NBEA: variants seen among roughly 807,000 people sequenced by gnomAD.
NBEA encodes the protein neurobeachin.
In NBEA, 44 loss-of-function variants were observed where a neutral mutation model predicts 343.4. The ratio of observed to expected loss-of-function variants is 0.13; its 90% CI spans 0.10 to 0.16. The LOEUF is 0.16. Among genes scored for constraint, NBEA ranks in the 10% least tolerant of loss-of-function variants. The pLI is 1.00. For missense variants in NBEA, 2,555 were observed against 3,631.3 expected, an observed-to-expected ratio of 0.70 and a Z score of 7.62; for synonymous variants, 1,175 against 1,238.7, an observed-to-expected ratio of 0.95 and a Z score of 1.08.
intron 24 of NBEA, among the ~76,000 whole-genome samples, chr13:35,164,798 C>G (rs2069862938): frequency 6.6e-6 from 1 of 152,070 alleles, no homozygotes; most frequent in Non-Finnish European, 1.5e-5. Flanking sequence ...TATAAATAAA[C>G]TCTTAAAATC....
At chr13:35,181,422 A>T (rs998880139) in intron 28 of NBEA, among the ~76,000 whole-genome samples, 1 of 151,226 alleles carries the variant, frequency 6.6e-6, no homozygotes, top group Non-Finnish European at 1.5e-5. Flanking sequence ...ACTGATGTTG[A>T]GCATTTTTCA....
chr13:35,467,243 G>A (rs999063076), intron 40 of NBEA, among the ~76,000 whole-genome samples: 2 of 152,128 alleles, frequency 1.3e-5, no homozygotes, highest in Non-Finnish European at 2.9e-5. Context: ...GGAGGCCAAG[G>A]CGGGCGGATC....
chr13:35,578,070 A>G (rs145284676), intron 45 of NBEA, among the ~76,000 whole-genome samples: 74 of 152,330 alleles, frequency 4.9e-4, no homozygotes, highest in African/African-American at 1.7e-3. Flanking sequence ...AGATAACACG[A>G]TAACTTAGAT....
chr13:35,035,157 T>C (rs961218254), intron 1 of NBEA, among the ~76,000 whole-genome samples: 8 of 151,848 alleles, frequency 5.3e-5, no homozygotes, highest in African/African-American at 1.7e-4. Flanking sequence ...TTGGCACTTA[T>C]AAACATCCCT....
At chr13:35,483,774 A>C (rs1224795782) in intron 41 of NBEA, among the ~76,000 whole-genome samples, 1 of 152,092 alleles carries the variant, frequency 6.6e-6, no homozygotes, top group African/African-American at 2.4e-5. Flanking sequence ...GAAAGAAGTT[A>C]TTGCTTTCTT....
intron 2 of NBEA, among the ~76,000 whole-genome samples, chr13:35,044,535 G>A (rs893865636): frequency 4.0e-5 from 6 of 151,532 alleles, no homozygotes; most frequent in Admixed American, 2.0e-4. Flanking sequence ...TAACCAGTTT[G>A]CAATTTTAAA....
intron 34 of NBEA, among the ~76,000 whole-genome samples, chr13:35,235,424 A>C (rs1390082767): frequency 6.6e-6 from 1 of 151,976 alleles, no homozygotes; most frequent in East Asian, 1.9e-4. Flanking sequence ...GATAGGTTTT[A>C]CAGAAATGTA....
At chr13:35,472,634 A>C (rs2075704504) in intron 41 of NBEA, 98 bp downstream of exon 41, 4 of 1,175,194 alleles carry the variant, frequency 3.4e-6, no homozygotes, top group Non-Finnish European at 5.0e-6. Flanking sequence ...GGAGGGGAGC[A>C]CATTCTCCTC....
chr13:34,950,906 A>G (rs1457587104), intron 1 of NBEA, among the ~76,000 whole-genome samples: 1 of 152,086 alleles, frequency 6.6e-6, no homozygotes, highest in Non-Finnish European at 1.5e-5. Context: ...CTAAGCAACA[A>G]CCCTGGAGGT....
intron 43 of NBEA, among the ~76,000 whole-genome samples, chr13:35,552,213 C>A (rs2079361036): frequency 6.6e-6 from 1 of 152,178 alleles, no homozygotes; most frequent in African/African-American, 2.4e-5. Flanking sequence ...CTACAGACAA[C>A]TGAAAGACAG....
chr13:35,609,951 A>C (rs568855089), intron 48 of NBEA, among the ~76,000 whole-genome samples: 1 of 152,318 alleles, frequency 6.6e-6, no homozygotes, highest in East Asian at 1.9e-4. Flanking sequence ...GTCCTCAGTG[A>C]TATCTCTTCT....
intron 54 of NBEA, 55 bp downstream of exon 54, chr13:35,655,065 A>G: frequency 7.6e-7 from 1 of 1,313,480 alleles, no homozygotes; most frequent in Non-Finnish European, 1.0e-6. Flanking sequence ...TGTTAAAACC[A>G]AAGCTGAATA....
At chr13:35,399,947 G>A (rs1446209519) in intron 38 of NBEA, among the ~76,000 whole-genome samples, 1 of 152,020 alleles carries the variant, frequency 6.6e-6, no homozygotes, top group Non-Finnish European at 1.5e-5. Context: ...TGGTGTAGCA[G>A]TCAGAAAGCA....
chr13:35,162,719 G>A (rs2069665493), intron 23 of NBEA, among the ~76,000 whole-genome samples: 1 of 151,784 alleles, frequency 6.6e-6, no homozygotes. Context: ...AAAAGAAAAT[G>A]GGATTATAAT....
In NBEA at chr13:35,065,244, C is replaced by T. The variant is rs575303707; in HGVS notation, c.1240-4664C>T. On this transcript the variant is annotated intron_variant, in intron 8 of 58. Coordinates refer to ENST00000379939, the MANE Select transcript of NBEA (RefSeq NM_001385012.1). ...GCCATTTTGCCTGGCTATAAAATCCCTGACTTTTCTTTCTTTGGATGTCTT... is the reference window on the plus strand; with the variant it reads ...GCCATTTTGCCTGGCTATAAAATCCTTGACTTTTCTTTCTTTGGATGTCTT... Among the ~76,000 whole-genome samples the T allele has an allele frequency of 7.1e-4, 108 of 152,038 alleles. No homozygotes were observed. In the Middle Eastern group the frequency reaches 0.017, roughly 24 times the overall value.
chr13:35,050,119 A>G, intron 5 of NBEA, 150 bp from the exon 6 acceptor site: 1 of 490,950 alleles, frequency 2.0e-6, no homozygotes, highest in Non-Finnish European at 3.3e-6. Context: ...CTAACCTTTT[A>G]TATTTTTGTT....
At chr13:35,476,482 C>T in intron 41 of NBEA, 1 of 749,344 alleles carries the variant, frequency 1.3e-6, no homozygotes, top group South Asian at 1.7e-5. Context: ...AGATCACCTT[C>T]TCAGGAATAA....
chr13:35,106,195 G>A (rs1270190717), intron 11 of NBEA, among the ~76,000 whole-genome samples: 1 of 151,912 alleles, frequency 6.6e-6, no homozygotes, highest in African/African-American at 2.4e-5. Context: ...GATTTAAATT[G>A]TATTTCCATC....
chr13:35,013,649 A>G (rs1292650355), intron 1 of NBEA, among the ~76,000 whole-genome samples: 1 of 151,826 alleles, frequency 6.6e-6, no homozygotes, highest in Non-Finnish European at 1.5e-5. Flanking sequence ...TTCTATTTTT[A>G]GCAGAGACGG....
Sources: gnomAD v4.1 joint callset for allele counts (sites outside exome capture counted in the v4.1 genomes callset) on GRCh38, gnomAD v4.1.1 for gene constraint, MANE v1.5 for transcripts, NCBI Gene and HGNC (gene_info 2026-07-23, HGNC 2026-07-21) for gene names.